C1orf21: variants seen among roughly 807,000 people sequenced by gnomAD.
C1orf21 encodes uncharacterized protein C1orf21.
In C1orf21, 3 loss-of-function variants were observed where a neutral mutation model predicts 18.7. The ratio of observed to expected loss-of-function variants is 0.16; its 90% CI spans 0.07 to 0.42. The LOEUF (loss-of-function observed/expected upper bound fraction) is 0.42, where lower values mean the gene tolerates loss of function less well. Ranked by LOEUF, C1orf21 falls within the 10% of genes least tolerant of loss-of-function variation. C1orf21 has a pLI of 0.99. For synonymous variants in C1orf21, 41 were observed against 46.4 expected, an observed-to-expected ratio of 0.88 and a Z score of 0.47; for missense variants, 104 against 143.6, an observed-to-expected ratio of 0.72 and a Z score of 1.41.
chr1:184,583,081 C>G (rs111961390), intron 3 of C1orf21, among the ~76,000 whole-genome samples: 1 of 152,146 alleles, frequency 6.6e-6, no homozygotes. Context: ...TCAGGTGATC[C>G]GCCCGCCTCG....
At chr1:184,521,093 A>G (rs1353702992) in intron 3 of C1orf21, among the ~76,000 whole-genome samples, 1 of 152,102 alleles carries the variant, frequency 6.6e-6, no homozygotes, top group Non-Finnish European at 1.5e-5. Context: ...GTGTTTCTCC[A>G]TATTGCTCAG....
intron 1 of C1orf21, among the ~76,000 whole-genome samples, chr1:184,470,487 G>T (rs1453408587): frequency 6.6e-6 from 1 of 152,156 alleles, no homozygotes; most frequent in Admixed American, 6.6e-5. Context: ...AGAAATTCTA[G>T]TCACAGGTGT....
intron 3 of C1orf21, among the ~76,000 whole-genome samples, chr1:184,554,906 T>A (rs532001014): frequency 1.3e-5 from 2 of 152,360 alleles, no homozygotes; most frequent in African/African-American, 4.8e-5. Context: ...CATGCACATG[T>A]GTGTAACAAG....
chr1:184,491,678 G>A (rs185252437), intron 2 of C1orf21, among the ~76,000 whole-genome samples: 20 of 152,166 alleles, frequency 1.3e-4, no homozygotes, highest in Middle Eastern at 3.4e-3. Flanking sequence ...AGCAGTAACC[G>A]TTATGGTTAC....
At chr1:184,554,444 C>G (rs1658851995) in intron 3 of C1orf21, among the ~76,000 whole-genome samples, 1 of 152,088 alleles carries the variant, frequency 6.6e-6, no homozygotes. Flanking sequence ...GGTGGTTTGG[C>G]TAGAGCATAG....
chr1:184,479,911 C>T (rs1012076755), intron 2 of C1orf21, among the ~76,000 whole-genome samples: 1 of 152,162 alleles, frequency 6.6e-6, no homozygotes, highest in African/African-American at 2.4e-5. Context: ...GCATGAACCA[C>T]CACACCCGGC....
chr1:184,398,761 C>T (rs1656103084), intron 1 of C1orf21, among the ~76,000 whole-genome samples: 1 of 152,116 alleles, frequency 6.6e-6, no homozygotes, highest in African/African-American at 2.4e-5. Context: ...TGTATCCAAA[C>T]ATCTAAATAT....
At chr1:184,469,965 T>C (rs1657470556) in intron 1 of C1orf21, among the ~76,000 whole-genome samples, 1 of 152,218 alleles carries the variant, frequency 6.6e-6, no homozygotes, top group Admixed American at 6.5e-5. Flanking sequence ...ACATGTGGAG[T>C]GCCTAGGATG....
At chr1:184,591,295 G>C (rs565466192) in intron 4 of C1orf21, among the ~76,000 whole-genome samples, 7 of 152,248 alleles carry the variant, frequency 4.6e-5, no homozygotes, top group African/African-American at 1.7e-4. Flanking sequence ...TGGTGTAACA[G>C]AACAGAATAA....
intron 3 of C1orf21, among the ~76,000 whole-genome samples, chr1:184,547,203 C>T (rs1202599697): frequency 6.6e-6 from 1 of 152,114 alleles, no homozygotes; most frequent in South Asian, 2.1e-4. Flanking sequence ...GAGGCCAGAC[C>T]ATGCAGGGCA....
chr1:184,439,480 A>C (rs1656911794), intron 1 of C1orf21, among the ~76,000 whole-genome samples: 2 of 150,948 alleles, frequency 1.3e-5, no homozygotes, highest in Non-Finnish European at 3.0e-5. Flanking sequence ...AACTCACTCT[A>C]TAGGAGCCTT....
intron 5 of C1orf21, among the ~76,000 whole-genome samples, chr1:184,616,373 T>G (rs772528728): frequency 6.6e-6 from 1 of 152,284 alleles, no homozygotes; most frequent in Non-Finnish European, 1.5e-5. Flanking sequence ...CTTCACTCTT[T>G]GCCTTGCAGG....
intron 1 of C1orf21, among the ~76,000 whole-genome samples, chr1:184,435,726 GA>G (rs1229417319): frequency 3.3e-5 from 5 of 152,202 alleles, no homozygotes; most frequent in African/African-American, 4.8e-5. Context: ...AGAAGAGAAG[GA>G]CATAGGAAAG....
intron 2 of C1orf21, among the ~76,000 whole-genome samples, chr1:184,478,794 A>G (rs974122118): frequency 1.3e-5 from 2 of 152,246 alleles, no homozygotes. Context: ...AATACCTACT[A>G]CTTGACATTT....
chr1:184,617,845 G>A (rs2102012598), intron 5 of C1orf21, among the ~76,000 whole-genome samples: 1 of 151,936 alleles, frequency 6.6e-6, no homozygotes, highest in East Asian at 1.9e-4. Flanking sequence ...ATGGGAGTGA[G>A]CAGCCCCACC....
chr1:184,399,143 A>G (rs767345724), intron 1 of C1orf21, among the ~76,000 whole-genome samples: 13 of 151,990 alleles, frequency 8.6e-5, no homozygotes, highest in Non-Finnish European at 1.3e-4. Flanking sequence ...CCCTATTTTT[A>G]TCTCTTTTCC....
At chr1:184,523,321 G>T (rs1658332417) in intron 3 of C1orf21, among the ~76,000 whole-genome samples, 1 of 152,118 alleles carries the variant, frequency 6.6e-6, no homozygotes, top group Admixed American at 6.5e-5. Flanking sequence ...TCCTTGATGT[G>T]CTGTGATGAG....
intron 2 of C1orf21, among the ~76,000 whole-genome samples, chr1:184,504,809 T>C (rs1008939856): frequency 6.6e-6 from 1 of 152,178 alleles, no homozygotes; most frequent in Non-Finnish European, 1.5e-5. Flanking sequence ...TCTCTTCCTT[T>C]GTATCCAATC....
intron 1 of C1orf21, among the ~76,000 whole-genome samples, chr1:184,415,554 GGT>G (rs1656436563): frequency 6.6e-6 from 1 of 152,072 alleles, no homozygotes; most frequent in Non-Finnish European, 1.5e-5. Flanking sequence ...AACTGTGGGA[GGT>G]GACCTATTAA....
Sources: gnomAD v4.1 joint callset for allele counts (sites outside exome capture counted in the v4.1 genomes callset) on GRCh38, gnomAD v4.1.1 for gene constraint, MANE v1.5 for transcripts, NCBI Gene and HGNC (gene_info 2026-07-23, HGNC 2026-07-21) for gene names.